ADD1: variants seen among roughly 807,000 people sequenced by gnomAD.
ADD1 encodes alpha-adducin.
Under a neutral mutation model 80.5 loss-of-function variants are expected in ADD1, and 24 were observed. The ratio of observed to expected loss-of-function variants is 0.30; its 90% confidence interval spans 0.22 to 0.42. ADD1 has a LOEUF of 0.42. ADD1 is among the 10% of genes least tolerant of loss of function. The pLI is 1.00. For synonymous variants in ADD1, 373 were observed against 393.8 expected, an observed-to-expected ratio of 0.95 and a Z score of 0.63; for missense variants, 948 against 1,019.0, an observed-to-expected ratio of 0.93 and a Z score of 0.95.
At chr4:2,845,496 T>G (rs747764487) in intron 1 of ADD1, among the ~76,000 whole-genome samples, 3 of 152,238 alleles carry the variant, frequency 2.0e-5, no homozygotes, top group Admixed American at 6.5e-5. Flanking sequence ...CGATGTGGTT[T>G]ACAATGGTAT....
intron 2 of ADD1, among the ~76,000 whole-genome samples, chr4:2,880,702 C>G (rs1447375853): frequency 1.3e-5 from 2 of 151,930 alleles, no homozygotes; most frequent in African/African-American, 2.4e-5. Flanking sequence ...GTCTCGATCT[C>G]CTGACCTCGT....
intron 14 of ADD1, among the ~76,000 whole-genome samples, chr4:2,918,549 T>A (rs1466583296): frequency 6.6e-6 from 1 of 152,234 alleles, no homozygotes; most frequent in Non-Finnish European, 1.5e-5. Flanking sequence ...TCTAATAGTA[T>A]GTTGAATACG....
rs1463839107 is a variant in ADD1, at chr4:2,929,714, T to G, written c.*1191T>G. 6.6e-6 allele frequency: 1 copy of G among 152,334 alleles called. No individual in the cohort carries two copies. Among genetic ancestry groups the G allele is most frequent in the African/African-American group, 2.4e-5 (1 of 41,470 alleles). The allele number at this position is 152,334 out of a possible 1,614,324, so 9.4% of individuals were successfully genotyped here. On this transcript the variant is annotated 3_prime_UTR_variant, in exon 16 of 16. Transcript: ENST00000683351. ...GCATGATGGGCCGAGCCACCTCGGA[T>G]CCCACTGATTGGCCAGCCGAGCGAG...
Position 2,898,767 on chromosome 4 carries a change from C to T in ADD1, c.984+236C>T, listed in dbSNP as rs1280351402. ...TTTAAATTTTCAAATATGTCAGTCA[C>T]TACCATTTATGGAGTACTGGTGTGT... On this transcript the variant is annotated intron_variant, in intron 8 of 15. Transcript: ENST00000683351. 5 of 520,374 alleles carry T rather than the reference C, an allele frequency of 9.6e-6. No homozygotes were observed. The South Asian group carries it at 1.0e-4, about 11-fold the overall frequency. The allele number at this position is 520,374 out of a possible 1,614,324, so 32.2% of individuals were successfully genotyped here. A position where few individuals can be genotyped will look rare whatever the true frequency, so the allele number is the denominator to read the frequency against.
At chr4:2,852,070 A>C (rs531544631) in intron 1 of ADD1, among the ~76,000 whole-genome samples, 1 of 152,148 alleles carries the variant, frequency 6.6e-6, no homozygotes, top group East Asian at 1.9e-4. Flanking sequence ...TCCTGACCTC[A>C]GGTGATCTGC....
chr4:2,926,653 G>A lies in ADD1; in HGVS notation c.2047+541G>A, dbSNP rs765171956. ...TGCGTCACAAGCAGGAGACGGATGCGCTAGAGAGTACCTGTTACCCTAGTA... is the reference window on the plus strand; with the variant it reads ...TGCGTCACAAGCAGGAGACGGATGCACTAGAGAGTACCTGTTACCCTAGTA... On this transcript the variant is annotated intron_variant, in intron 15 of 15. Transcript: ENST00000683351. This position sits in a 1 kb window ranked among gnomAD's most constrained non-coding sequence, Gnocchi z 5.0. 13 of 1,613,848 alleles carry A rather than the reference G, an allele frequency of 8.1e-6. No individual in the cohort carries two copies. The highest frequency in any genetic ancestry group is 1.0e-5 in the Non-Finnish European group (12 of 1,179,892).
intron 1 of ADD1, among the ~76,000 whole-genome samples, chr4:2,866,918 A>G (rs1029178383): frequency 1.1e-4 from 16 of 152,244 alleles, no homozygotes; most frequent in African/African-American, 3.9e-4. Context: ...AAAAAATATA[A>G]TAATTATCTG....
At chr4:2,860,872 G>C (rs1329682712) in intron 1 of ADD1, among the ~76,000 whole-genome samples, 1 of 152,194 alleles carries the variant, frequency 6.6e-6, no homozygotes, top group African/African-American at 2.4e-5. Context: ...GGCTGAGCTG[G>C]AGTTTGAACT....
intron 14 of ADD1, among the ~76,000 whole-genome samples, chr4:2,918,874 C>T (rs887965904): frequency 3.3e-5 from 5 of 150,270 alleles, no homozygotes; most frequent in South Asian, 4.2e-4. Context: ...TTTCCTGAGA[C>T]GGAGTCTCCC....
At chr4:2,871,116 G>A (rs201284703) in intron 1 of ADD1, among the ~76,000 whole-genome samples, 6 of 151,764 alleles carry the variant, frequency 4.0e-5, no homozygotes, top group African/African-American at 7.3e-5. Flanking sequence ...CTACAGGTGC[G>A]CGCCACCACA....
At chr4:2,873,054 C>T (rs527638807) in intron 1 of ADD1, among the ~76,000 whole-genome samples, 1 of 151,970 alleles carries the variant, frequency 6.6e-6, no homozygotes, top group Non-Finnish European at 1.5e-5. Flanking sequence ...AGTGCAGCGG[C>T]ATGACTCAGC....
At chr4:2,886,791 C>T (rs1733445326) in intron 4 of ADD1, among the ~76,000 whole-genome samples, 1 of 152,218 alleles carries the variant, frequency 6.6e-6, no homozygotes, top group East Asian at 1.9e-4. Context: ...TGCCAGCTCC[C>T]TTCCTGGTGC....
chr4:2,902,245 G>A (rs1313571162), intron 9 of ADD1: 1 of 152,172 alleles, frequency 6.6e-6, no homozygotes, highest in African/African-American at 2.4e-5. Context: ...GGCTCTTTAA[G>A]CAAAAGGAAA....
intron 14 of ADD1, among the ~76,000 whole-genome samples, chr4:2,924,558 T>C (rs1452781003): frequency 1.3e-5 from 2 of 152,242 alleles, no homozygotes; most frequent in Admixed American, 6.5e-5. Context: ...GACTGACTGT[T>C]GCTCTCCTGG....
rs1473886257 is a variant in ADD1, at chr4:2,904,744, TC to T, written c.1162-19del. ...TGAGATCTGGAATATTGACTGTCTT[TC>T]ACTCTCCTTGGACCCTAGGGCTACA... On this transcript the variant is annotated intron_variant, in intron 9 of 15. Coordinates refer to ENST00000683351, the MANE Select transcript of ADD1 (RefSeq NM_001354761.2). 3 of 1,595,884 alleles carry T rather than the reference TC, an allele frequency of 1.9e-6. No homozygotes were observed. Among genetic ancestry groups the T allele is most frequent in the African/African-American group, 2.7e-5 (2 of 74,560 alleles).
chr4:2,847,819 A>T (rs965256603), intron 1 of ADD1, among the ~76,000 whole-genome samples: 11 of 152,182 alleles, frequency 7.2e-5, no homozygotes, highest in African/African-American at 2.7e-4. Context: ...CAAGTAGGTG[A>T]GAGACAAATG....
Position 2,905,049 on chromosome 4 carries a change from C to T in ADD1, c.1447C>T (p.Pro483Ser), listed in dbSNP as rs1257264886. The change falls in exon 10 of 16, where the codon CCC (proline) becomes TCC (serine). Residue 483 changes from proline (P) to serine (S), a missense_variant. Coordinates refer to ENST00000683351, the MANE Select transcript of ADD1 (RefSeq NM_001354761.2). ...WTNITHDHVK[P>S]LLQSLSSGVC... The stretch of plus-strand genomic sequence containing the variant: ...GAACATTACACACGATCACGTGAAA[C>T]CCTTGCTGCAGTCTCTCTCGTCCGG... 2 of 1,614,192 alleles carry T rather than the reference C, an allele frequency of 1.2e-6. No homozygotes were observed. Among genetic ancestry groups the T allele is most frequent in the South Asian group, 2.2e-5 (2 of 91,082 alleles).
intron 10 of ADD1, chr4:2,907,266 CA>C: frequency 6.5e-6 from 1 of 154,900 alleles, no homozygotes; most frequent in Non-Finnish European, 1.4e-5. Flanking sequence ...TACTTTAATG[CA>C]AAACTTTGGT....
chr4:2,898,603 G>T (rs766426111), intron 8 of ADD1, 72 bp downstream of exon 8: 24 of 1,295,542 alleles, frequency 1.9e-5, no homozygotes, highest in East Asian at 2.3e-5. Flanking sequence ...ATTTTTTTTT[G>T]ATACTTATCG....
Sources: allele counts gnomAD v4.1 joint callset (sites outside exome capture counted in the v4.1 genomes callset), GRCh38; gene constraint gnomAD v4.1.1; non-coding constraint Gnocchi (gnomAD v3.1); transcripts MANE v1.5; gene names NCBI Gene and HGNC (gene_info 2026-07-23, HGNC 2026-07-21).